ANTXR1: variants seen among roughly 807,000 people sequenced by gnomAD.
ANTXR1 encodes the protein anthrax toxin receptor 1.
Under a neutral mutation model 78.1 loss-of-function variants are expected in ANTXR1, and 19 were observed. The observed-to-expected ratio is 0.24, with a 90% CI of 0.17 to 0.36. The LOEUF (loss-of-function observed/expected upper bound fraction) is 0.36. Among genes scored for constraint, ANTXR1 ranks in the 10% least tolerant of loss-of-function variants. ANTXR1 has a pLI of 1.00. For synonymous variants in ANTXR1, 273 were observed against 260.5 expected (o/e 1.05, Z -0.46); for missense variants, 518 against 718.6 (o/e 0.72, Z 3.19).
At chr2:69,032,438 C>G (rs148454278) in intron 1 of ANTXR1, among the ~76,000 whole-genome samples, 2,945 of 151,934 alleles carry the variant, frequency 0.019, 28 homozygotes, top group Middle Eastern at 0.037. Flanking sequence ...ATTTGTAAAC[C>G]CTCTCCCTTG....
chr2:69,145,531 G>A, intron 12 of ANTXR1: 1 of 1,431,994 alleles, frequency 7.0e-7, no homozygotes, highest in Non-Finnish European at 9.1e-7. Context: ...AACATGGAAA[G>A]AAACATCAGG....
chr2:69,070,626 C>T, intron 3 of ANTXR1, 21 bp from the exon 4 acceptor site: 1 of 1,611,984 alleles, frequency 6.2e-7, no homozygotes, highest in Non-Finnish European at 8.5e-7. Flanking sequence ...ATAAGACTAA[C>T]AGAGTGTCTT....
At chr2:69,152,416 A>G in intron 13 of ANTXR1, 152 bp downstream of exon 13, 1 of 815,118 alleles carries the variant, frequency 1.2e-6, no homozygotes, top group East Asian at 2.7e-5. Context: ...GTGAACTGAC[A>G]TTGATCAATG....
At chr2:69,065,737 C>T (rs1378356824) in intron 3 of ANTXR1, among the ~76,000 whole-genome samples, 1 of 152,154 alleles carries the variant, frequency 6.6e-6, no homozygotes, top group African/African-American at 2.4e-5. Context: ...GTTTTATATA[C>T]ATTGTAAACA....
Position 69,172,553 on chromosome 2 carries a change from A to C in ANTXR1, c.1089+2264A>C, listed in dbSNP as rs555640265. ...AACATTCAATAAATAGCTATATGAA[A>C]TCAAACACTCTCTGCCGTATATATG... On this transcript the variant is annotated intron_variant, in intron 14 of 17. Transcript: ENST00000303714. 8.7e-6 allele frequency: 12 copies of C among 1,385,452 alleles called. No homozygotes were observed. The South Asian group carries it at 2.0e-4, about 23-fold the overall frequency. The allele number at this position is 1,385,452 out of a possible 1,614,324, so 85.8% of individuals were successfully genotyped here. A position where few individuals can be genotyped will look rare whatever the true frequency, so the allele number is the denominator to read the frequency against.
chr2:69,236,511 T>C (rs886902362), intron 17 of ANTXR1, among the ~76,000 whole-genome samples: 1 of 151,504 alleles, frequency 6.6e-6, no homozygotes, highest in Non-Finnish European at 1.5e-5. Context: ...TGTAGGGAAA[T>C]AGAAATTCTC....
intron 12 of ANTXR1, chr2:69,145,678 TCA>T (rs1412102600): frequency 6.1e-6 from 7 of 1,152,256 alleles, no homozygotes; most frequent in African/African-American, 3.2e-5. Flanking sequence ...GTGGAGGATT[TCA>T]CAGTTTCTTT....
At chr2:69,149,889 C>T (rs1398842654) in intron 12 of ANTXR1, among the ~76,000 whole-genome samples, 3 of 152,216 alleles carry the variant, frequency 2.0e-5, no homozygotes, top group East Asian at 1.9e-4. Context: ...CTGAGCCCAT[C>T]GCTCTCTGCC....
intron 3 of ANTXR1, among the ~76,000 whole-genome samples, chr2:69,058,694 T>C (rs1346338337): frequency 6.6e-6 from 1 of 152,190 alleles, no homozygotes; most frequent in Non-Finnish European, 1.5e-5. Flanking sequence ...AATTTAGATT[T>C]TCAAGTCTTA....
At chr2:69,178,684 G>C (rs183751919) in intron 14 of ANTXR1, among the ~76,000 whole-genome samples, 6 of 152,340 alleles carry the variant, frequency 3.9e-5, no homozygotes, top group Admixed American at 3.3e-4. Context: ...AGCACTCAGC[G>C]GGGTTGCGAA....
intron 14 of ANTXR1, among the ~76,000 whole-genome samples, chr2:69,178,906 C>T (rs1008049595): frequency 6.6e-6 from 1 of 152,082 alleles, no homozygotes; most frequent in African/African-American, 2.4e-5. Flanking sequence ...CTAGTTGAGT[C>T]CCCTGTGGAA....
At chr2:69,180,616 A>G (rs866572496) in intron 14 of ANTXR1, among the ~76,000 whole-genome samples, 1 of 152,234 alleles carries the variant, frequency 6.6e-6, no homozygotes, top group Non-Finnish European at 1.5e-5. Flanking sequence ...GAGTCATCTT[A>G]TTTAACTTAT....
intron 12 of ANTXR1, among the ~76,000 whole-genome samples, chr2:69,132,400 C>T (rs1672777244): frequency 6.6e-6 from 1 of 152,188 alleles, no homozygotes; most frequent in Admixed American, 6.5e-5. Flanking sequence ...TTTCCATTAC[C>T]AGTTGCTTTA....
At chr2:69,057,623 C>T (rs961223439) in intron 3 of ANTXR1, among the ~76,000 whole-genome samples, 1 of 152,134 alleles carries the variant, frequency 6.6e-6, no homozygotes, top group South Asian at 2.1e-4. Context: ...ATCTGTTTCC[C>T]TCTCCCTCTA....
chr2:69,202,132 G>C (rs1401642422), intron 17 of ANTXR1, among the ~76,000 whole-genome samples: 1 of 152,156 alleles, frequency 6.6e-6, no homozygotes, highest in Non-Finnish European at 1.5e-5. Flanking sequence ...GAGAGGGGTA[G>C]AGAGAAGAAG....
chr2:69,219,384 GACACACACACACACACACACACAC>G (rs377200577), intron 17 of ANTXR1, among the ~76,000 whole-genome samples: 2 of 132,224 alleles, frequency 1.5e-5, no homozygotes, highest in South Asian at 2.9e-4. Context: ...CCAGAAGGAG[GACACACACACACACACACACACAC>G]ACACACACAC....
chr2:69,220,012 C>A (rs79943882), intron 17 of ANTXR1, among the ~76,000 whole-genome samples: 7,511 of 152,202 alleles, frequency 0.049, 650 homozygotes, highest in African/African-American at 0.17. Flanking sequence ...CAGACAGTAT[C>A]TTTTTGCATT....
At position 69,222,366 on chromosome 2, in the gene ANTXR1, G is replaced by A. The variant is rs150737742; in HGVS notation, c.1435-22859G>A. 3.3e-5 allele frequency among the ~76,000 whole-genome samples: 5 copies of A among 152,138 alleles called. No individual in the cohort carries two copies. The East Asian group carries it at 7.7e-4, about 23-fold the overall frequency. On this transcript the variant is annotated intron_variant, in intron 17 of 17. Transcript: ENST00000303714. ...GTGAAAAACATTGAGAGCTTAAAAGGCCAGTGTTCAATATTCCTTCAGTGA... is the reference window on the plus strand; with the variant it reads ...GTGAAAAACATTGAGAGCTTAAAAGACCAGTGTTCAATATTCCTTCAGTGA...
rs569963365 is a variant in ANTXR1 at position 69,179,491 on chromosome 2, T to G, written c.1090-2295T>G. Among the ~76,000 whole-genome samples the G allele has an allele frequency of 4.0e-5, 6 of 148,624 alleles. No individual in the cohort carries two copies. The East Asian group carries it at 1.2e-3, about 29-fold the overall frequency. ...TGAGCTGTGGTAGTTGAGGCTGCAC[T>G]CCAGCCTGGGTGACAGAGTGAGACC... On this transcript the variant is annotated intron_variant, in intron 14 of 17. Coordinates refer to ENST00000303714, the MANE Select transcript of ANTXR1 (RefSeq NM_032208.3).
Sources: gnomAD v4.1 joint callset for allele counts (sites outside exome capture counted in the v4.1 genomes callset) on GRCh38, gnomAD v4.1.1 for gene constraint, MANE v1.5 for transcripts, NCBI Gene and HGNC (gene_info 2026-07-23, HGNC 2026-07-21) for gene names.